JHY: variants seen among roughly 807,000 people sequenced by gnomAD.
JHY encodes the protein junctional cadherin complex regulator, also known as jhy protein homolog.
Under a neutral mutation model 78.0 loss-of-function variants are expected in JHY, and 69 were observed. That is an observed-to-expected ratio of 0.88 (90% CI 0.73 to 1.08). The LOEUF (loss-of-function observed/expected upper bound fraction) is 1.08. Ranked by LOEUF, JHY falls within the 50% of genes least tolerant of loss-of-function variation. The pLI is 0.00. For missense variants in JHY, 944 were observed against 927.8 expected (o/e 1.02, Z -0.23); for synonymous variants, 368 against 342.6 (o/e 1.07, Z -0.82).
chr11:122,904,515 GA>G, intron 3 of JHY, 71 bp downstream of exon 3: 1 of 1,512,858 alleles, frequency 6.6e-7, no homozygotes, highest in East Asian at 2.3e-5. Context: ...GCAGTGTCTA[GA>G]TATCGCTTCC....
rs1862941449 is a variant in JHY at position 122,904,399 on chromosome 11, T to C, written c.819T>C (p.Tyr273=). 1 of 1,613,918 alleles carries C rather than the reference T, an allele frequency of 6.2e-7. No individual in the cohort carries two copies. Residue 273 remains tyrosine, a synonymous_variant, in exon 3 of 9, where the codon TAT becomes TAC. Transcript: ENST00000227349. The part of the protein sequence containing the change: ...LGLPTPKTDS[Y]LQLHNKKRGE... The stretch of plus-strand genomic sequence containing the variant: ...TACCCACCCCGAAAACGGACTCTTA[T>C]CTTCAACTTCACAATAAAAAAAGAG...
chr11:122,936,535 A>G, intron 5 of JHY, among the ~76,000 whole-genome samples: 1 of 151,916 alleles, frequency 6.6e-6, no homozygotes, highest in Admixed American at 6.6e-5. Flanking sequence ...ATTTCCTCCT[A>G]TTCCTCTTTG....
intron 3 of JHY, among the ~76,000 whole-genome samples, chr11:122,919,325 C>G (rs1863303557): frequency 7.2e-6 from 1 of 139,094 alleles, no homozygotes; most frequent in Non-Finnish European, 1.5e-5. Flanking sequence ...TGCACTCCAG[C>G]CTGGGCAACA....
chr11:122,896,236 G>A (rs1180117212), intron 2 of JHY, among the ~76,000 whole-genome samples: 1 of 149,010 alleles, frequency 6.7e-6, no homozygotes, highest in African/African-American at 2.5e-5. Context: ...TGCTTCTACA[G>A]CCATTTAAGA....
chr11:122,886,299 G>A (rs1010549591), intron 2 of JHY, 106 bp downstream of exon 2: 35 of 1,077,050 alleles, frequency 3.2e-5, no homozygotes, highest in Non-Finnish European at 3.8e-5. Flanking sequence ...CCTAATGAGC[G>A]CCGTGTGTGA....
intron 1 of JHY, among the ~76,000 whole-genome samples, chr11:122,884,533 C>T (rs1862454042): frequency 6.6e-6 from 1 of 152,080 alleles, no homozygotes; most frequent in Non-Finnish European, 1.5e-5. Flanking sequence ...AATCCAAAAA[C>T]ATCATGTCCG....
At position 122,917,333 on chromosome 11, in the gene JHY, A is replaced by C. The variant is rs954178916; in HGVS notation, c.865-7564A>C. Among the ~76,000 whole-genome samples the C allele has an allele frequency of 6.6e-6, 1 of 152,230 alleles. No individual in the cohort carries two copies. The highest frequency in any genetic ancestry group is 2.4e-5 in the African/African-American group (1 of 41,470). ...TTAAGGAGAAGGTGGATAGTGCTGT[A>C]GTTGTATGTGGCTAGATTGTGAGGA... On this transcript the variant is annotated intron_variant, in intron 3 of 8. Transcript: ENST00000227349. This position sits in a 1 kb window ranked among gnomAD's most constrained non-coding sequence, Gnocchi z 4.1.
In JHY at chr11:122,946,526, A is replaced by T. The variant is rs770093767; in HGVS notation, c.1663A>T (p.Thr555Ser). ...WKFHSSSDSQ[T>S]VRASPDSWLT... ...ATTCCATTCTTCTTCTGACAGCCAGACGGTTAGAGCTTCTCCAGATTCATG... is the reference window on the plus strand; with the variant it reads ...ATTCCATTCTTCTTCTGACAGCCAGTCGGTTAGAGCTTCTCCAGATTCATG... The change falls in exon 6 of 9, where the codon ACG becomes TCG. Residue 555 changes from threonine (T) to serine (S), a missense_variant. Coordinates refer to ENST00000227349, the MANE Select transcript of JHY (RefSeq NM_024806.4). 3 of 1,590,516 alleles carry T rather than the reference A, an allele frequency of 1.9e-6. No homozygotes were observed. The highest frequency in any genetic ancestry group is 1.8e-5 in the Admixed American group (1 of 54,560).
chr11:122,897,422 G>A (rs934567593), intron 2 of JHY, among the ~76,000 whole-genome samples: 1 of 152,014 alleles, frequency 6.6e-6, no homozygotes, highest in Non-Finnish European at 1.5e-5. Flanking sequence ...TAGAGACGAG[G>A]GGTTTCTCTG....
intron 2 of JHY, among the ~76,000 whole-genome samples, chr11:122,893,261 A>G (rs550612065): frequency 5.9e-5 from 9 of 152,224 alleles, no homozygotes; most frequent in African/African-American, 1.7e-4. Flanking sequence ...CTGTTCATTC[A>G]TTTACTCACA....
chr11:122,956,310 G>C, intron 6 of JHY, among the ~76,000 whole-genome samples, 186 bp from the exon 7 acceptor site: 1 of 152,168 alleles, frequency 6.6e-6, no homozygotes, highest in East Asian at 1.9e-4. Context: ...TTACCAAAGA[G>C]ACTATTACCA....
At chr11:122,947,195 A>C (rs1863982907) in intron 6 of JHY, 1 of 156,786 alleles carries the variant, frequency 6.4e-6, no homozygotes, top group African/African-American at 2.4e-5. Flanking sequence ...TCATATCTTA[A>C]AAAGTAGAGA....
At chr11:122,956,166 A>AT (rs1175413216) in intron 6 of JHY, among the ~76,000 whole-genome samples, 35 of 151,852 alleles carry the variant, frequency 2.3e-4, no homozygotes, top group African/African-American at 8.3e-4. Flanking sequence ...CAAAAAAAAA[A>AT]AAATAAAATA....
chr11:122,886,457 G>T (rs931936220), intron 2 of JHY, among the ~76,000 whole-genome samples: 1 of 152,058 alleles, frequency 6.6e-6, no homozygotes, highest in Non-Finnish European at 1.5e-5. Flanking sequence ...AAGTGTCTCC[G>T]CACTAGGACC....
intron 5 of JHY, among the ~76,000 whole-genome samples, chr11:122,941,959 C>CAT (rs1863882329): frequency 5.9e-5 from 9 of 152,116 alleles, no homozygotes; most frequent in Admixed American, 5.9e-4. Context: ...GCAACCTCTG[C>CAT]CTCCCAGGTT....
intron 8 of JHY, chr11:122,959,021 G>A (rs1004468577): frequency 2.0e-6 from 2 of 984,158 alleles, no homozygotes; most frequent in African/African-American, 1.7e-5. Flanking sequence ...ACAACCGTAT[G>A]TATTATTCTT....
chr11:122,922,542 T>C (rs886821873), intron 3 of JHY, among the ~76,000 whole-genome samples: 7 of 150,272 alleles, frequency 4.7e-5, no homozygotes, highest in Non-Finnish European at 8.9e-5. Context: ...CTGGGCACGG[T>C]GGCTCACGCC....
intron 8 of JHY, 64 bp downstream of exon 8, chr11:122,957,555 G>GC: frequency 2.0e-6 from 2 of 982,118 alleles, no homozygotes; most frequent in South Asian, 1.7e-5. Flanking sequence ...TTTTATTATC[G>GC]CTTTTTTTTT....
chr11:122,956,449 G>A (rs558006330), intron 6 of JHY, 47 bp from the exon 7 acceptor site: 6 of 1,562,062 alleles, frequency 3.8e-6, no homozygotes, highest in Non-Finnish European at 5.3e-6. Context: ...GGAGTCGGGG[G>A]ACACACAAGT....
Sources: gnomAD v4.1 joint callset for allele counts (sites outside exome capture counted in the v4.1 genomes callset) on GRCh38, gnomAD v4.1.1 for gene constraint, Gnocchi (gnomAD v3.1) non-coding constraint, MANE v1.5 for transcripts, NCBI Gene and HGNC (gene_info 2026-07-23, HGNC 2026-07-21) for gene names.